The following NBPF20 variants were observed in gnomAD, a reference collection of about 807,000 sequenced individuals.
NBPF20 encodes NBPF family member NBPF20.
NBPF20 carries 90 observed loss-of-function variants against 68.1 expected under a neutral mutation model. The observed-to-expected ratio is 1.32, with a 90% CI of 1.11 to 1.58. NBPF20 has a LOEUF of 1.58. NBPF20 is among the 40% of genes most tolerant of loss of function. NBPF20 has a pLI of 0.00. For synonymous variants in NBPF20, 290 were observed against 228.1 expected (o/e 1.27, Z -2.45); for missense variants, 816 against 601.2 (o/e 1.36, Z -3.74).
intron 109 of NBPF20, among the ~76,000 whole-genome samples, chr1:145,314,267 CAG>C (rs1250510283): frequency 2.4e-5 from 3 of 126,240 alleles, no homozygotes; most frequent in East Asian, 2.2e-4. Context: ...CACACACACA[CAG>C]AGAGAGAACG....
At position 145,295,160 on chromosome 1, in the gene NBPF20, G is replaced by C. The variant is rs1307645175; in HGVS notation, c.16191-206C>G. 4.4e-6 allele frequency: 3 copies of C among 676,746 alleles called. No homozygotes were observed. The African/African-American group carries it at 5.9e-5, about 13-fold the overall frequency. The allele number at this position is 676,746 out of a possible 1,614,324, so 41.9% of individuals were successfully genotyped here. ...AGAGAAAGACAGGGAGAGGGAGGGA[G>C]AGAGAGAGAGAGAGAGAGAGAGAGG... On this transcript the variant is annotated intron_variant, in intron 133 of 137. Transcript: ENST00000369373.
upstream of NBPF20, among the ~76,000 whole-genome samples, chr1:145,409,050 T>C (rs1473603453): frequency 6.7e-6 from 1 of 149,538 alleles, no homozygotes; most frequent in Non-Finnish European, 1.5e-5. Flanking sequence ...CCAAAGTTTC[T>C]TGTACCCCTT....
upstream of NBPF20, among the ~76,000 whole-genome samples, chr1:145,406,548 A>C (rs1408167653): frequency 2.6e-5 from 4 of 151,926 alleles, no homozygotes; most frequent in African/African-American, 9.7e-5. Flanking sequence ...ATTGCTTTAC[A>C]TTTCTATGAA....
At chr1:145,410,816 G>GTATATATA in the NBPF20 span, among the ~76,000 whole-genome samples, 10 of 117,116 alleles carry the variant, frequency 8.5e-5, no homozygotes, top group Admixed American at 6.2e-4. Context: ...ATATATATAC[G>GTATATATA]TATATATATA....
chr1:145,424,045 G>A, the NBPF20 span, among the ~76,000 whole-genome samples: 38 of 143,268 alleles, frequency 2.7e-4, no homozygotes, highest in African/African-American at 8.4e-4. Context: ...CCATGATCAC[G>A]GCTCACTGCA....
chr1:145,408,932 G>C (rs1203204137), upstream of NBPF20, among the ~76,000 whole-genome samples: 1 of 149,930 alleles, frequency 6.7e-6, no homozygotes, highest in Non-Finnish European at 1.5e-5. Flanking sequence ...GCATAATTTC[G>C]GTACAACAGA....
At chr1:145,393,773 A>G in intron 9 of NBPF20, 111 bp downstream of exon 14, 18 of 1,480,362 alleles carry the variant, frequency 1.2e-5, no homozygotes, top group Non-Finnish European at 1.7e-5. Flanking sequence ...GGCATAATTC[A>G]GACTTGTCTG....
chr1:145,394,478 C>T (rs1225678140), intron 8 of NBPF20, among the ~76,000 whole-genome samples: 28 of 152,066 alleles, frequency 1.8e-4, no homozygotes, highest in Admixed American at 1.6e-3. Context: ...CTAAAACAAG[C>T]GAACTTAGAA....
chr1:145,402,412 G>C (rs1662566227), intron 3 of NBPF20, 31 bp from the exon 9 acceptor site: 1 of 1,605,192 alleles, frequency 6.2e-7, no homozygotes, highest in Non-Finnish European at 8.5e-7. Flanking sequence ...AAATTTAAGA[G>C]TGGAAAGGTT....
At chr1:145,414,942 A>G in the NBPF20 span, among the ~76,000 whole-genome samples, 1 of 151,934 alleles carries the variant, frequency 6.6e-6, no homozygotes, top group Admixed American at 6.6e-5. Context: ...CTTGGAAAAG[A>G]AAGAGACACA....
At chr1:145,393,827 A>C (rs1451855997) in intron 9 of NBPF20, 57 bp downstream of exon 14, 29 of 1,261,546 alleles carry the variant, frequency 2.3e-5, no homozygotes, top group Non-Finnish European at 3.2e-5. Flanking sequence ...TTTTCCCTGG[A>C]CTTGGCATCT....
rs782162719 is a variant in NBPF20 at position 145,405,183 on chromosome 1, C to G, written c.90G>C (p.Glu30Asp). Residue 30 changes from glutamate to aspartate, a missense_variant, in exon 2 of 138, where the codon GAG (glutamate) becomes GAC (aspartate). Glu to Asp is a conservative substitution (Grantham distance 45). Transcript: ENST00000369373. ...TGAGGTTTCCGAACTGCTGTTTGTT[C>G]TCTGCCAACTGGGGGCGCAATTTCT... 2.5e-6 allele frequency: 4 copies of G among 1,613,100 alleles called. No homozygotes were observed. The East Asian group carries it at 8.9e-5, about 36-fold the overall frequency.
rs1280513006 is a variant in NBPF20, at chr1:145,402,350, G to A, written c.310C>T (p.Arg104Ter). The A allele has an allele frequency of 7.7e-5, 124 of 1,600,282 alleles. No homozygotes were observed. Among genetic ancestry groups the A allele is most frequent in the South Asian group, 6.1e-4 (55 of 90,794 alleles). The change falls in exon 4 of 138, where the codon CGA becomes TGA. Residue 104 changes from arginine to a stop codon, truncating the protein, a stop_gained. Transcript: ENST00000369373. LOFTEE classifies it high-confidence loss of function. Reference sequence around the variant, plus strand: ...TTCTCCCTTAACTGGGTCAGCTCTCGTTCCTGAGCGTGAACCAGGACTTTA... The same window carrying A: ...TTCTCCCTTAACTGGGTCAGCTCTCATTCCTGAGCGTGAACCAGGACTTTA...
At chr1:145,292,595 G>T in intron 136 of NBPF20, 106 bp from the exon 142 acceptor site, 1 of 747,100 alleles carries the variant, frequency 1.3e-6, no homozygotes, top group Admixed American at 1.9e-5. Context: ...CCCAGCATAA[G>T]AATAGGACAC....
Position 145,405,382 on chromosome 1 carries a change from A to G in NBPF20, c.-36+28T>C. The G allele has an allele frequency of 4.0e-6, 6 of 1,506,334 alleles. No individual in the cohort carries two copies. The South Asian group carries it at 7.0e-5, about 17-fold the overall frequency. 93.3% of individuals were successfully genotyped at this position (1,506,334 alleles called of 1,614,324 possible). On this transcript the variant is annotated intron_variant, in intron 1 of 137. Coordinates refer to ENST00000369373, the Ensembl canonical transcript of NBPF20. ...AAATAGGTTTAATCAGGACTGAGGGATGTCAGTAACTGAAATTCTTACCTT... is the reference window on the plus strand; with the variant it reads ...AAATAGGTTTAATCAGGACTGAGGGGTGTCAGTAACTGAAATTCTTACCTT...
chr1:145,410,151 C>T (rs1662952030), upstream of NBPF20, among the ~76,000 whole-genome samples: 1 of 151,936 alleles, frequency 6.6e-6, no homozygotes, highest in African/African-American at 2.4e-5. Context: ...AAGTATAAGA[C>T]TTCCAAGTGC....
intron 6 of NBPF20, among the ~76,000 whole-genome samples, chr1:145,399,955 A>G (rs1227497913): frequency 5.3e-5 from 8 of 152,074 alleles, no homozygotes; most frequent in South Asian, 2.1e-4. Flanking sequence ...AAGCTGACTT[A>G]AAGGAGATCC....
chr1:145,407,586 T>TTA (rs375463984), upstream of NBPF20, among the ~76,000 whole-genome samples: 3,549 of 146,914 alleles, frequency 0.024, 140 homozygotes, highest in African/African-American at 0.082. Flanking sequence ...TATATATATA[T>TTA]TATATATATA....
exon 138 of NBPF20, chr1:145,291,704 T>C: frequency 6.2e-7 from 1 of 1,611,886 alleles, no homozygotes; most frequent in South Asian, 1.1e-5. Context: ...CGGAGTAGAA[T>C]AACATCCATC....
Sources: gnomAD v4.1 joint callset for allele counts (sites outside exome capture counted in the v4.1 genomes callset) on GRCh38, gnomAD v4.1.1 for gene constraint, MANE v1.5 for transcripts, NCBI Gene and HGNC (gene_info 2026-07-23, HGNC 2026-07-21) for gene names.